The following CCN4 variants were observed in gnomAD, a reference collection of about 807,000 sequenced individuals.
CCN4 encodes CCN family member 4.
A neutral mutation model predicts 36.7 loss-of-function variants in CCN4; 30 were observed. The observed-to-expected ratio is 0.82, with a 90% confidence interval of 0.61 to 1.11. CCN4 has a LOEUF of 1.11. Ranked by LOEUF, CCN4 falls within the 50% of genes least tolerant of loss-of-function variation. CCN4 has a pLI of 0.00. For synonymous variants in CCN4, 191 were observed against 195.4 expected (o/e 0.98, Z 0.19); for missense variants, 505 against 504.9 (o/e 1.00, Z 0.00).
At chr8:133,225,605 A>C (rs764133945) in intron 4 of CCN4, 22 bp downstream of exon 4, 1 of 1,534,390 alleles carries the variant, frequency 6.5e-7, no homozygotes, top group Non-Finnish European at 8.8e-7. Flanking sequence ...GCAGGTGTGG[A>C]TGTCTAGACT....
At chr8:133,223,830 T>C (rs1854622188) in intron 3 of CCN4, among the ~76,000 whole-genome samples, 1 of 152,218 alleles carries the variant, frequency 6.6e-6, no homozygotes, top group South Asian at 2.1e-4. Context: ...CAGTTCTGTC[T>C]TAACAGCTTT....
chr8:133,199,722 G>C (rs11777380), intron 1 of CCN4, among the ~76,000 whole-genome samples: 1 of 152,004 alleles, frequency 6.6e-6, no homozygotes, highest in Non-Finnish European at 1.5e-5. Context: ...ACACAGGCAC[G>C]CATGCCAGTT....
rs376862240 is a variant in CCN4 at position 133,214,507 on chromosome 8, GGTT to G, written c.349+1386_349+1388del. 2.2e-4 allele frequency among the ~76,000 whole-genome samples: 34 copies of G among 151,540 alleles called. 1 individual carries two copies. The East Asian group carries it at 4.3e-3, about 19-fold the overall frequency. ...TTCTGATATCCTCCTGTTTGGAGGT[GGTT>G]GTTGTTGTTGTTGTTGTTGTTAGTT... is the stretch of plus-strand genomic sequence containing the variant. On this transcript the variant is annotated intron_variant, in intron 2 of 4. Coordinates refer to ENST00000250160, the MANE Select transcript of CCN4 (RefSeq NM_003882.4).
rs1210341531 is a variant in CCN4 at position 133,231,195 on chromosome 8, G to A, written c.*3485G>A. 6.6e-6 allele frequency: 1 copy of A among 152,066 alleles called. No individual in the cohort carries two copies. The highest frequency in any genetic ancestry group is 1.5e-5 in the Non-Finnish European group (1 of 68,038). 9.4% of individuals were successfully genotyped at this position (152,066 alleles called of 1,614,324 possible). A position where few individuals can be genotyped will look rare whatever the true frequency, so the allele number is the denominator to read the frequency against. ...ATAGCAATTACAGGGAAGTAATCTA[G>A]CTCCTGACTATTATGTTGAACTATG... On this transcript the variant is annotated 3_prime_UTR_variant, in exon 5 of 5. Coordinates refer to ENST00000250160, the MANE Select transcript of CCN4 (RefSeq NM_003882.4).
At chr8:133,208,588 T>G (rs527467997) in intron 1 of CCN4, among the ~76,000 whole-genome samples, 3 of 152,326 alleles carry the variant, frequency 2.0e-5, no homozygotes, top group African/African-American at 7.2e-5. Context: ...GCCTCCACCC[T>G]GCACCCTACA....
intron 1 of CCN4, among the ~76,000 whole-genome samples, chr8:133,194,641 GTGTGC>G (rs1853276582): frequency 8.9e-5 from 10 of 112,250 alleles, no homozygotes; most frequent in East Asian, 5.4e-4. Context: ...TGTGTGGGGT[GTGTGC>G]GTGTGTGCGT....
At chr8:133,197,559 C>CCCT (rs1185375502) in intron 1 of CCN4, among the ~76,000 whole-genome samples, 1 of 151,886 alleles carries the variant, frequency 6.6e-6, no homozygotes, top group Non-Finnish European at 1.5e-5. Flanking sequence ...CAGTCAGCTC[C>CCCT]CCTCCTCCTC....
At chr8:133,219,655 A>G (rs1854446603) in intron 2 of CCN4, among the ~76,000 whole-genome samples, 1 of 152,248 alleles carries the variant, frequency 6.6e-6, no homozygotes, top group East Asian at 1.9e-4. Flanking sequence ...TGGTATTTCC[A>G]TTTACAAAAT....
Position 133,225,590 on chromosome 8 carries a change from C to G in CCN4, c.804+7C>G. 1.3e-6 allele frequency: 2 copies of G among 1,574,508 alleles called. No homozygotes were observed. The highest frequency in any genetic ancestry group is 4.6e-5 in the East Asian group (2 of 43,624). Reference sequence around the variant, plus strand: ...CATCCATACACTCATTAAGGTGGGTCCAGAGCAGGTGTGGATGTCTAGACT... The same window carrying G: ...CATCCATACACTCATTAAGGTGGGTGCAGAGCAGGTGTGGATGTCTAGACT... On this transcript the variant is annotated splice_region_variant and intron_variant, in intron 4 of 4. Coordinates refer to ENST00000250160, the MANE Select transcript of CCN4 (RefSeq NM_003882.4).
intron 1 of CCN4, among the ~76,000 whole-genome samples, chr8:133,194,645 G>A (rs1236038459): frequency 1.8e-5 from 2 of 111,658 alleles, no homozygotes; most frequent in Admixed American, 8.6e-5. Flanking sequence ...TGGGGTGTGT[G>A]CGTGTGTGCG....
chr8:133,227,400 CT>C lies in CCN4; in HGVS notation c.805-8del. The stretch of plus-strand genomic sequence containing the variant: ...AGCACTCCCACTGAAAGCTCCTTTC[CT>C]TTCCTTCAGGCAGGGAAGAAGTGTC... On this transcript the variant is annotated splice_polypyrimidine_tract_variant and intron_variant, in intron 4 of 4. Transcript: ENST00000250160. The C allele has an allele frequency of 4.4e-6, 7 of 1,599,914 alleles. No individual in the cohort carries two copies. The highest frequency in any genetic ancestry group is 6.0e-6 in the Non-Finnish European group (7 of 1,172,074).
chr8:133,219,524 C>T (rs1854441420), intron 2 of CCN4, among the ~76,000 whole-genome samples: 1 of 152,226 alleles, frequency 6.6e-6, no homozygotes, highest in Admixed American at 6.5e-5. Flanking sequence ...GCAGCATTTA[C>T]CCCAAAATAA....
intron 1 of CCN4, among the ~76,000 whole-genome samples, chr8:133,204,805 C>A (rs1261469849): frequency 1.3e-5 from 2 of 152,236 alleles, no homozygotes; most frequent in East Asian, 3.8e-4. Flanking sequence ...ATCCACCTGC[C>A]TCAGCCTCCC....
intron 2 of CCN4, 66 bp from the exon 3 acceptor site, chr8:133,220,515 T>C: frequency 2.5e-6 from 4 of 1,579,916 alleles, no homozygotes; most frequent in Non-Finnish European, 3.5e-6. Context: ...GGAGCCCCTA[T>C]AAAGGCAGCT....
chr8:133,203,174 C>A (rs1479618113), intron 1 of CCN4, among the ~76,000 whole-genome samples: 1 of 152,232 alleles, frequency 6.6e-6, no homozygotes, highest in Non-Finnish European at 1.5e-5. Flanking sequence ...GTGTGCCAGG[C>A]GCAGTGCCGG....
chr8:133,203,401 A>G (rs1853659021), intron 1 of CCN4, among the ~76,000 whole-genome samples: 1 of 152,176 alleles, frequency 6.6e-6, no homozygotes, highest in African/African-American at 2.4e-5. Flanking sequence ...TGAATGAGGG[A>G]GCCGTGCAGC....
At chr8:133,219,881 G>A (rs1406776834) in intron 2 of CCN4, among the ~76,000 whole-genome samples, 2 of 152,174 alleles carry the variant, frequency 1.3e-5, no homozygotes, top group Non-Finnish European at 2.9e-5. Flanking sequence ...AAATCAGTCA[G>A]ATTTGCTTTA....
At chr8:133,211,546 A>G (rs570027740) in intron 1 of CCN4, among the ~76,000 whole-genome samples, 6 of 152,230 alleles carry the variant, frequency 3.9e-5, no homozygotes, top group African/African-American at 1.4e-4. Flanking sequence ...TCCCCTGTAA[A>G]GGAGGAAAGA....
intron 1 of CCN4, among the ~76,000 whole-genome samples, chr8:133,199,121 C>T (rs1853493637): frequency 6.6e-6 from 1 of 152,142 alleles, no homozygotes. Flanking sequence ...GGCAAGAGGG[C>T]CTGGACTCAA....
Sources: gnomAD v4.1 joint callset for allele counts (sites outside exome capture counted in the v4.1 genomes callset) on GRCh38, gnomAD v4.1.1 for gene constraint, MANE v1.5 for transcripts, NCBI Gene and HGNC (gene_info 2026-07-23, HGNC 2026-07-21) for gene names.